Variants in NAV2 observed in about 807,000 individuals in gnomAD.
NAV2 encodes the protein neuron navigator 2, also known as helicase, APC down-regulated 1.
Under a neutral mutation model 223.2 loss-of-function variants are expected in NAV2, and 54 were observed. The observed-to-expected ratio is 0.24, with a 90% CI of 0.19 to 0.30. NAV2 has a LOEUF of 0.30. Among genes scored for constraint, NAV2 ranks in the 10% least tolerant of loss-of-function variants. NAV2 has a pLI of 1.00. For missense variants in NAV2, 2,806 were observed against 3,147.5 expected, an observed-to-expected ratio of 0.89 and a Z score of 2.60; for synonymous variants, 1,279 against 1,239.3, an observed-to-expected ratio of 1.03 and a Z score of -0.67.
chr11:20,025,413 AGCAGTG>A (rs1370889392), intron 11 of NAV2, among the ~76,000 whole-genome samples: 3 of 152,248 alleles, frequency 2.0e-5, no homozygotes, highest in Non-Finnish European at 4.4e-5. Context: ...AAAGCCAGCC[AGCAGTG>A]GCCCAAGGGT....
In NAV2 at chr11:20,082,935, G is replaced by T. The variant is rs2060181250; in HGVS notation, c.5326-72G>T. The T allele has an allele frequency of 2.9e-6, 4 of 1,388,706 alleles. No homozygotes were observed. The Admixed American group carries it at 9.0e-5, about 31-fold the overall frequency. The allele number at this position is 1,388,706 out of a possible 1,614,324, so 86.0% of individuals were successfully genotyped here. On this transcript the variant is annotated intron_variant, in intron 25 of 37. Transcript: ENST00000349880. ...GGGAGAATTAATCGCTTTTTTGTGT[G>T]CATGTCTCTGTTTTGCCAAGGCCTA...
At chr11:19,979,904 G>A (rs1469744034) in intron 10 of NAV2, among the ~76,000 whole-genome samples, 1 of 152,212 alleles carries the variant, frequency 6.6e-6, no homozygotes, top group East Asian at 1.9e-4. Context: ...CCACAGCTCT[G>A]TTTTCCTCAT....
Position 19,892,722 on chromosome 11 carries a change from A to G in NAV2, c.931+128A>G, listed in dbSNP as rs773008769. On this transcript the variant is annotated intron_variant, in intron 6 of 37. Coordinates refer to ENST00000349880, the MANE Select transcript of NAV2 (RefSeq NM_145117.5). ...TGTGTTGAGAATGAGTTACAAGGAC[A>G]TATTTGGTAGGCAGGAACTTTAGTA... The G allele has an allele frequency of 3.7e-5, 37 of 999,272 alleles. 1 individual carries two copies. Among genetic ancestry groups the G allele is most frequent in the Non-Finnish European group, 5.1e-5 (36 of 712,040 alleles). The allele number at this position is 999,272 out of a possible 1,614,324, so 61.9% of individuals were successfully genotyped here.
At chr11:19,923,794 A>G (rs185499331) in intron 6 of NAV2, among the ~76,000 whole-genome samples, 3 of 152,308 alleles carry the variant, frequency 2.0e-5, no homozygotes, top group African/African-American at 7.2e-5. Context: ...TCTACAGCCA[A>G]TTTTGTACTT....
intron 1 of NAV2, among the ~76,000 whole-genome samples, chr11:19,416,560 A>T (rs1308306120): frequency 6.6e-6 from 1 of 152,196 alleles, no homozygotes; most frequent in Non-Finnish European, 1.5e-5. Flanking sequence ...CCATCAAGCT[A>T]CCATTGACTT....
At chr11:19,697,546 A>C (rs1372495270) in intron 1 of NAV2, among the ~76,000 whole-genome samples, 1 of 151,502 alleles carries the variant, frequency 6.6e-6, no homozygotes, top group African/African-American at 2.4e-5. Context: ...TAGAGGAAAG[A>C]TTAAAGGGCA....
chr11:19,787,085 CTGCATTT>C (rs2057169919), intron 1 of NAV2, among the ~76,000 whole-genome samples: 1 of 151,676 alleles, frequency 6.6e-6, no homozygotes, highest in Non-Finnish European at 1.5e-5. Flanking sequence ...TGCCAGATTG[CTGCATTT>C]TTATTTTATT....
chr11:19,878,103 G>GTT (rs2062968981), intron 4 of NAV2, among the ~76,000 whole-genome samples: 1 of 152,178 alleles, frequency 6.6e-6, no homozygotes, highest in Non-Finnish European at 1.5e-5. Flanking sequence ...ACACAGAGTG[G>GTT]TTTATAAGCA....
At chr11:19,709,942 T>G, upstream of NAV2, among the ~76,000 whole-genome samples, 1 of 152,290 alleles carries the variant, frequency 6.6e-6, no homozygotes, top group East Asian at 1.9e-4. Flanking sequence ...AATGAAGAAT[T>G]ATCAGAATTT....
chr11:19,413,363 C>A (rs535442522), intron 1 of NAV2, among the ~76,000 whole-genome samples: 23 of 151,950 alleles, frequency 1.5e-4, no homozygotes, highest in African/African-American at 5.6e-4. Context: ...AGCATGAAGA[C>A]AAGATTAGAG....
At chr11:20,054,684 A>G (rs1168225150) in intron 18 of NAV2, among the ~76,000 whole-genome samples, 3 of 152,196 alleles carry the variant, frequency 2.0e-5, no homozygotes, top group Admixed American at 1.3e-4. Context: ...GGTCATCCTC[A>G]TTGCTTTATT....
intron 1 of NAV2, among the ~76,000 whole-genome samples, chr11:19,603,404 G>A (rs752712834): frequency 6.6e-6 from 1 of 152,092 alleles, no homozygotes; most frequent in Non-Finnish European, 1.5e-5. Flanking sequence ...AAGGCAGGTG[G>A]ATCACGAGGT....
chr11:19,960,502 C>G (rs1484045941), intron 10 of NAV2, among the ~76,000 whole-genome samples: 1 of 152,088 alleles, frequency 6.6e-6, no homozygotes, highest in African/African-American at 2.4e-5. Context: ...CCTTTGTATC[C>G]TGGGATTCCA....
intron 1 of NAV2, among the ~76,000 whole-genome samples, chr11:19,680,390 G>A (rs1022982454): frequency 6.6e-6 from 1 of 152,200 alleles, no homozygotes; most frequent in Non-Finnish European, 1.5e-5. Flanking sequence ...TAAAGACTCA[G>A]TCTGAATCAC....
rs577464295 is a variant in NAV2, at chr11:19,837,658, A to G, written c.385+5057A>G. 5.9e-5 allele frequency among the ~76,000 whole-genome samples: 9 copies of G among 152,218 alleles called. No individual in the cohort carries two copies. The South Asian group carries it at 1.9e-3, about 32-fold the overall frequency. ...CATAAGGAATCTCAGACAAACCCAA[A>G]TTGTGGAACATTCTATTAAAAAAAA... On this transcript the variant is annotated intron_variant, in intron 2 of 37. Coordinates refer to ENST00000349880, the MANE Select transcript of NAV2 (RefSeq NM_145117.5).
chr11:19,466,606 C>T (rs1453584861), intron 1 of NAV2, among the ~76,000 whole-genome samples: 2 of 152,192 alleles, frequency 1.3e-5, no homozygotes, highest in Non-Finnish European at 2.9e-5. Flanking sequence ...AATGCACTGA[C>T]ACTTGCTTAT....
At chr11:19,600,913 T>G (rs986461826) in intron 1 of NAV2, among the ~76,000 whole-genome samples, 17 of 152,204 alleles carry the variant, frequency 1.1e-4, no homozygotes, top group African/African-American at 3.6e-4. Context: ...GCATCACTTT[T>G]TCTACTATAC....
At chr11:19,944,830 GCTTT>G (rs2046744058) in intron 8 of NAV2, among the ~76,000 whole-genome samples, 1 of 138,070 alleles carries the variant, frequency 7.2e-6, no homozygotes, top group Admixed American at 7.7e-5. Context: ...TTGCTTGCTT[GCTTT>G]CTTGCCTTCT....
chr11:19,516,615 C>A (rs1226451248), intron 1 of NAV2, among the ~76,000 whole-genome samples: 1 of 152,092 alleles, frequency 6.6e-6, no homozygotes, highest in Non-Finnish European at 1.5e-5. Flanking sequence ...CATGAGGGTT[C>A]GGGGGAGATG....
Sources: gnomAD v4.1 joint callset for allele counts (sites outside exome capture counted in the v4.1 genomes callset) on GRCh38, gnomAD v4.1.1 for gene constraint, MANE v1.5 for transcripts, NCBI Gene and HGNC (gene_info 2026-07-23, HGNC 2026-07-21) for gene names.